Variants in MYH7B observed in about 807,000 individuals in gnomAD.
The protein encoded by MYH7B is myosin-7B.
In MYH7B, 205 loss-of-function variants were observed where a neutral mutation model predicts 234.5. The observed-to-expected ratio is 0.87, with a 90% CI of 0.78 to 0.98. MYH7B has a LOEUF of 0.98. MYH7B is among the 50% of genes least tolerant of loss of function. The probability of loss-of-function intolerance (pLI) is 0.00; values close to 1 mark genes in which losing one functional copy is unlikely to be tolerated. For missense variants in MYH7B, 2,652 were observed against 2,633.4 expected (o/e 1.01, Z -0.15); for synonymous variants, 1,193 against 1,105.0 (o/e 1.08, Z -1.58).
exon 32 of MYH7B, chr20:34,997,351 T>C: frequency 6.5e-7 from 1 of 1,536,714 alleles, no homozygotes. Flanking sequence ...CTGGAGGAGC[T>C]GAGCGAGCGG....
At position 34,999,921 on chromosome 20, in the gene MYH7B, C is replaced by T. The variant is rs751472872; in HGVS notation, c.4781+15C>T. On this transcript the variant is annotated intron_variant, in intron 38 of 44. Transcript: ENST00000262873. ...GCTAACCTGAGGTGTGTCCATCCTT[C>T]TCCCGTCCCCACCTCCCGAGAGCAG... 3 of 1,606,236 alleles carry T rather than the reference C, an allele frequency of 1.9e-6. No individual in the cohort carries two copies. The South Asian group carries it at 3.3e-5, about 18-fold the overall frequency.
chr20:34,989,602 T>C, intron 19 of MYH7B, 138 bp from the exon 20 acceptor site: 1 of 844,650 alleles, frequency 1.2e-6, no homozygotes, highest in Non-Finnish European at 1.8e-6. Context: ...GGGTGTGGTG[T>C]CTGACCATCC....
At chr20:35,001,433 CGAG>C (rs767229301) in exon 43 of MYH7B, 3 of 1,599,032 alleles carry the variant, frequency 1.9e-6, no homozygotes, top group Non-Finnish European at 2.6e-6. Context: ...CCGCCCAGGC[CGAG>C]GAGGACAGGA....
chr20:34,961,955 A>C (rs1428377619), intron 2 of MYH7B, among the ~76,000 whole-genome samples: 1 of 152,216 alleles, frequency 6.6e-6, no homozygotes, highest in Admixed American at 6.5e-5. Context: ...TGCTATGGCC[A>C]GGAGTGGTGG....
intron 7 of MYH7B, 103 bp from the exon 8 acceptor site, chr20:34,980,475 T>C: frequency 9.6e-7 from 1 of 1,040,772 alleles, no homozygotes; most frequent in East Asian, 2.4e-5. Context: ...GAGGCGGAGG[T>C]TGCGGTGAGC....
rs2081997791 is a variant in MYH7B at position 34,985,131 on chromosome 20, T to G, written c.805+2T>G. 2 of 1,613,846 alleles carry G rather than the reference T, an allele frequency of 1.2e-6. No homozygotes were observed. The highest frequency in any genetic ancestry group is 1.7e-6 in the Non-Finnish European group (2 of 1,179,864). On this transcript the variant is annotated splice_donor_variant, in intron 13 of 44. Coordinates refer to ENST00000262873, the Ensembl canonical transcript of MYH7B. LOFTEE classifies it high-confidence loss of function. ...TGGCATCCGCGGATATTGACAGCTG[T>G]GAGTCAACCCCCTGCGGGCGGTGCA...
intron 24 of MYH7B, 101 bp downstream of exon 24, chr20:34,991,222 G>A (rs1381654068): frequency 2.4e-6 from 2 of 827,852 alleles, no homozygotes; most frequent in South Asian, 1.7e-5. Context: ...CTGTCTGGAG[G>A]GGGAAGCAGG....
At chr20:34,995,268 G>A in intron 27 of MYH7B, 68 bp from the exon 28 acceptor site, 1 of 1,524,184 alleles carries the variant, frequency 6.6e-7, no homozygotes, top group Non-Finnish European at 9.0e-7. Flanking sequence ...TCCAGGGCCT[G>A]GCCTGGTGTC....
chr20:34,988,755 T>A (rs1175449815), intron 19 of MYH7B, among the ~76,000 whole-genome samples: 1 of 151,634 alleles, frequency 6.6e-6, no homozygotes, highest in Admixed American at 6.6e-5. Flanking sequence ...CCCATTCCTA[T>A]CACAGCCAGT....
chr20:34,971,775 G>A (rs535719737), intron 2 of MYH7B, among the ~76,000 whole-genome samples: 2 of 152,342 alleles, frequency 1.3e-5, no homozygotes, highest in Admixed American at 6.5e-5. Flanking sequence ...AAATTCCGTC[G>A]CTCAGAGCTC....
chr20:34,963,509 A>G (rs1600404453), intron 2 of MYH7B, among the ~76,000 whole-genome samples: 2 of 152,242 alleles, frequency 1.3e-5, no homozygotes, highest in African/African-American at 2.4e-5. Context: ...TGATTTGCCA[A>G]TAATTTGTCC....
exon 32 of MYH7B, chr20:34,997,562 G>A: frequency 6.2e-7 from 1 of 1,613,042 alleles, no homozygotes; most frequent in Admixed American, 1.7e-5. Flanking sequence ...TGCGGCAGAA[G>A]CTGGAGAAGG....
chr20:34,991,775 C>A (rs2082155132), intron 24 of MYH7B, among the ~76,000 whole-genome samples: 1 of 152,214 alleles, frequency 6.6e-6, no homozygotes, highest in East Asian at 1.9e-4. Context: ...ATGGTGTCAT[C>A]CACACTATCC....
chr20:34,992,946 T>C (rs2082182423), intron 24 of MYH7B, among the ~76,000 whole-genome samples, 156 bp from the exon 25 acceptor site: 1 of 152,132 alleles, frequency 6.6e-6, no homozygotes, highest in Non-Finnish European at 1.5e-5. Flanking sequence ...TTGTTTGGCA[T>C]GTGCCCTGCT....
In MYH7B at chr20:34,977,326, G is replaced by A. The variant is rs191158136; in HGVS notation, c.-121-306G>A. On this transcript the variant is annotated intron_variant, in intron 3 of 44. Coordinates refer to ENST00000262873, the Ensembl canonical transcript of MYH7B. ...AGTGTCCTTGCTCTCTGTATCTGGAGGTGGGGTATTTTTCTGGGTGTGTCA... is the reference window on the plus strand; with the variant it reads ...AGTGTCCTTGCTCTCTGTATCTGGAAGTGGGGTATTTTTCTGGGTGTGTCA... 1.8e-3 allele frequency among the ~76,000 whole-genome samples: 281 copies of A among 152,136 alleles called. 1 individual carries two copies. The highest frequency in any genetic ancestry group is 6.0e-3 in the African/African-American group (247 of 41,474).
chr20:34,987,582 G>C, exon 17 of MYH7B: 2 of 1,613,692 alleles, frequency 1.2e-6, no homozygotes, highest in Non-Finnish European at 1.7e-6. Context: ...CCTACCTGAT[G>C]GGGGTCAGCA....
At chr20:34,987,885 C>G (rs1420693448) in exon 18 of MYH7B, 1 of 1,607,214 alleles carries the variant, frequency 6.2e-7, no homozygotes, top group African/African-American at 1.3e-5. Flanking sequence ...CATCGGGGTT[C>G]TGGACATCGC....
intron 11 of MYH7B, 23 bp from the exon 12 acceptor site, chr20:34,984,831 C>T (rs552923340): frequency 1.2e-6 from 2 of 1,605,154 alleles, no homozygotes; most frequent in African/African-American, 1.3e-5. Flanking sequence ...AACTGACAGA[C>T]CCCCTCACCC....
intron 27 of MYH7B, 38 bp downstream of exon 27, chr20:34,994,439 C>T: frequency 6.5e-7 from 1 of 1,531,524 alleles, no homozygotes. Context: ...GCGTCCCCAG[C>T]CCCGAGTACC....
Sources: allele counts gnomAD v4.1 joint callset (sites outside exome capture counted in the v4.1 genomes callset), GRCh38; gene constraint gnomAD v4.1.1; transcripts MANE v1.5; gene names NCBI Gene and HGNC (gene_info 2026-07-23, HGNC 2026-07-21).